The following ALDH1L1 variants were observed in gnomAD, a reference collection of about 807,000 sequenced individuals.
ALDH1L1 encodes the protein cytosolic 10-formyltetrahydrofolate dehydrogenase.
In ALDH1L1, 68 loss-of-function variants were observed where a neutral mutation model predicts 101.1. That is an observed-to-expected ratio of 0.67 (90% confidence interval 0.55 to 0.82). The LOEUF (loss-of-function observed/expected upper bound fraction) is 0.82. Among genes scored for constraint, ALDH1L1 ranks in the 40% least tolerant of loss-of-function variants. ALDH1L1 has a pLI of 0.00. For missense variants in ALDH1L1, 1,087 were observed against 1,172.7 expected, an observed-to-expected ratio of 0.93 and a Z score of 1.07; for synonymous variants, 486 against 470.8, an observed-to-expected ratio of 1.03 and a Z score of -0.42.
intron 8 of ALDH1L1, among the ~76,000 whole-genome samples, chr3:126,149,185 A>C (rs765443719): frequency 3.3e-5 from 5 of 152,134 alleles, no homozygotes; most frequent in Admixed American, 2.0e-4. Flanking sequence ...CACAGTACAC[A>C]CTCCAGAAGT....
At chr3:126,192,031 ACTCT>A (rs1283337994) in intron 1 of ALDH1L1, among the ~76,000 whole-genome samples, 2 of 152,202 alleles carry the variant, frequency 1.3e-5, no homozygotes, top group African/African-American at 2.4e-5. Context: ...ACAAATACTG[ACTCT>A]CTTTCTCAGC....
At chr3:126,161,115 CTG>C (rs1474887076) in intron 1 of ALDH1L1, 113 bp from the exon 2 acceptor site, 1 of 1,252,396 alleles carries the variant, frequency 8.0e-7, no homozygotes, top group African/African-American at 1.5e-5. Flanking sequence ...CCAGTCCCCT[CTG>C]TGGCTCTGTG....
intron 12 of ALDH1L1, among the ~76,000 whole-genome samples, chr3:126,134,342 G>T (rs1339812379): frequency 6.6e-6 from 1 of 152,204 alleles, no homozygotes; most frequent in African/African-American, 2.4e-5. Context: ...TGGCAGCAGA[G>T]GCCAAGGGAG....
intron 4 of ALDH1L1, 90 bp downstream of exon 4, chr3:126,157,253 C>T: frequency 6.9e-7 from 1 of 1,455,108 alleles, no homozygotes; most frequent in South Asian, 1.4e-5. Context: ...GGAACAGATT[C>T]CTGGCCTCCA....
intron 1 of ALDH1L1, among the ~76,000 whole-genome samples, chr3:126,191,714 C>T (rs2081554449): frequency 6.6e-6 from 1 of 152,174 alleles, no homozygotes; most frequent in Admixed American, 6.5e-5. Flanking sequence ...CTTTTGGAAA[C>T]CCTTTCCACA....
intron 14 of ALDH1L1, among the ~76,000 whole-genome samples, chr3:126,126,480 T>A (rs969233048): frequency 1.1e-4 from 17 of 152,116 alleles, no homozygotes; most frequent in African/African-American, 4.1e-4. Context: ...CACTGGGTGT[T>A]TCCCCAAAAG....
intron 1 of ALDH1L1, among the ~76,000 whole-genome samples, chr3:126,168,996 T>G (rs1320827339): frequency 6.6e-6 from 1 of 152,160 alleles, no homozygotes; most frequent in African/African-American, 2.4e-5. Flanking sequence ...AAAACGTGGT[T>G]TATATTCAAG....
intron 16 of ALDH1L1, 65 bp from the exon 17 acceptor site, chr3:126,118,163 C>T (rs2080013081): frequency 2.3e-6 from 3 of 1,321,730 alleles, no homozygotes; most frequent in Non-Finnish European, 1.1e-6. Context: ...AGGAGCCCAC[C>T]TCCAGGACTG....
chr3:126,155,368 G>A, intron 5 of ALDH1L1, 34 bp downstream of exon 5: 1 of 1,585,486 alleles, frequency 6.3e-7, no homozygotes, highest in Admixed American at 1.7e-5. Context: ...CTGCTCACAG[G>A]CAGGATGAGG....
At chr3:126,168,482 G>A (rs1380342486) in intron 1 of ALDH1L1, among the ~76,000 whole-genome samples, 1 of 151,880 alleles carries the variant, frequency 6.6e-6, no homozygotes, top group Non-Finnish European at 1.5e-5. Context: ...TAATACAAAA[G>A]GCTAATAAAT....
intron 7 of ALDH1L1, chr3:126,151,395 T>C (rs1363336591): frequency 6.6e-6 from 1 of 152,184 alleles, no homozygotes; most frequent in Non-Finnish European, 1.5e-5. Flanking sequence ...AGAGCCTGCG[T>C]CCAGCCATCA....
chr3:126,186,077 T>C (rs544161811), upstream of ALDH1L1, among the ~76,000 whole-genome samples: 60 of 152,266 alleles, frequency 3.9e-4, no homozygotes, highest in Middle Eastern at 3.4e-3. Context: ...AGAGTTTCAG[T>C]TGAAAAAGTT....
In ALDH1L1 at chr3:126,135,241, C is replaced by T. The variant is rs532758034; in HGVS notation, c.1472+294G>A. ...TTGTCTGCCTGGGAGGCCCAGCCTG[C>T]GCCCACTTTGGAAGCATCCCTTGGC... On this transcript the variant is annotated intron_variant, in intron 12 of 22. Transcript: ENST00000393434. The T allele has an allele frequency of 3.9e-5, 11 of 282,368 alleles. No individual in the cohort carries two copies. In the East Asian group the frequency reaches 6.1e-4, roughly 16 times the overall value. 17.5% of individuals were successfully genotyped at this position (282,368 alleles called of 1,614,324 possible). A position where few individuals can be genotyped will look rare whatever the true frequency, so the allele number is the denominator to read the frequency against.
At position 126,124,860 on chromosome 3, in the gene ALDH1L1, G is replaced by A. The variant is rs555959728; in HGVS notation, c.1801-409C>T. On this transcript the variant is annotated intron_variant, in intron 15 of 22. Coordinates refer to ENST00000393434, the MANE Select transcript of ALDH1L1 (RefSeq NM_012190.4). ...ATGTTGAAATGCTTGAGGCATGCCT[G>A]ACTCAGGGTAAATACTATCAATGTC... 2.6e-3 allele frequency among the ~76,000 whole-genome samples: 395 copies of A among 152,356 alleles called. 5 individuals are homozygous for A. Among genetic ancestry groups the A allele is most frequent in the African/African-American group, 8.6e-3 (359 of 41,588 alleles).
intron 11 of ALDH1L1, among the ~76,000 whole-genome samples, chr3:126,135,880 C>G (rs2080430052): frequency 6.6e-6 from 1 of 152,188 alleles, no homozygotes; most frequent in Admixed American, 6.5e-5. Context: ...TGTCTACACC[C>G]CAAGGTCCCC....
intron 16 of ALDH1L1, among the ~76,000 whole-genome samples, chr3:126,123,191 T>C (rs918472796): frequency 1.3e-5 from 2 of 151,500 alleles, no homozygotes; most frequent in South Asian, 2.1e-4. Context: ...TCATGAAAGA[T>C]AAACAGGGGC....
At chr3:126,112,741 CCAGTGAACCAGCCGCCCG>C in intron 19 of ALDH1L1, 23 bp downstream of exon 19, 1 of 1,588,160 alleles carries the variant, frequency 6.3e-7, no homozygotes, top group Non-Finnish European at 8.6e-7. Context: ...CGCTGCTGTC[CCAGTGAACCAGCCGCCCG>C]CAGACCCTGG....
intron 1 of ALDH1L1, among the ~76,000 whole-genome samples, chr3:126,176,610 A>G (rs1298632995): frequency 6.6e-6 from 1 of 152,184 alleles, no homozygotes; most frequent in Non-Finnish European, 1.5e-5. Flanking sequence ...TCACACAAAT[A>G]TCTGTACACT....
Position 126,118,027 on chromosome 3 carries a change from C to G in ALDH1L1, c.1960G>C (p.Val654Leu). 1 of 1,614,028 alleles carries G rather than the reference C, an allele frequency of 6.2e-7. No homozygotes were observed. Among genetic ancestry groups the G allele is most frequent in the Non-Finnish European group, 8.5e-7 (1 of 1,179,994 alleles). The change falls in exon 17 of 23, where the codon GTG becomes CTG. Residue 654 changes from valine (V) to leucine (L), a missense_variant. Val to Leu is a conservative substitution (Grantham distance 32). This residue lies in a region of ALDH1L1 where 442 missense variants were observed against 535.7 expected (regional missense o/e 0.83). Coordinates refer to ENST00000393434, the MANE Select transcript of ALDH1L1 (RefSeq NM_012190.4). ...CACCTTTTCATGATGTGCTTGCCCA[C>G]CTCTGTGGAGCCTGTGAACCCGATT... is the stretch of plus-strand genomic sequence containing the variant. ...RKIGFTGSTE[V>L]GKHIMKSCAI...
Sources: allele counts gnomAD v4.1 joint callset (sites outside exome capture counted in the v4.1 genomes callset), GRCh38; gene constraint gnomAD v4.1.1; regional missense constraint gnomAD v4.1.1; transcripts MANE v1.5; gene names NCBI Gene and HGNC (gene_info 2026-07-23, HGNC 2026-07-21).